TTLL5: variants seen among roughly 807,000 people sequenced by gnomAD.
TTLL5 encodes tubulin polyglutamylase TTLL5.
In TTLL5, 132 loss-of-function variants were observed where a neutral mutation model predicts 168.4. That is an observed-to-expected ratio of 0.78 (90% CI 0.68 to 0.91). The LOEUF (loss-of-function observed/expected upper bound fraction) is 0.91, where lower values mean the gene tolerates loss of function less well. Among genes scored for constraint, TTLL5 ranks in the 40% least tolerant of loss-of-function variants. The pLI is 0.00. For missense variants in TTLL5, 1,545 were observed against 1,581.5 expected, an observed-to-expected ratio of 0.98 and a Z score of 0.39; for synonymous variants, 546 against 558.6, an observed-to-expected ratio of 0.98 and a Z score of 0.32.
chr14:75,895,041 G>A (rs965952240), intron 30 of TTLL5, among the ~76,000 whole-genome samples: 22 of 152,158 alleles, frequency 1.4e-4, no homozygotes, highest in African/African-American at 4.1e-4. Context: ...TTGAAATGCA[G>A]AATTAACATT....
At chr14:75,706,660 A>G (rs1886678478) in intron 7 of TTLL5, among the ~76,000 whole-genome samples, 1 of 152,124 alleles carries the variant, frequency 6.6e-6, no homozygotes, top group Non-Finnish European at 1.5e-5. Context: ...GGGAGAAAGC[A>G]AGTTTTCATT....
chr14:75,914,582 C>A (rs1019512151), intron 31 of TTLL5, among the ~76,000 whole-genome samples: 1 of 150,370 alleles, frequency 6.7e-6, no homozygotes, highest in South Asian at 2.1e-4. Flanking sequence ...TGTAAAACTA[C>A]TTCCTGTAAA....
intron 28 of TTLL5, among the ~76,000 whole-genome samples, chr14:75,827,707 CTTTTTTTTTTTTTT>C (rs561078439): frequency 1.6e-3 from 87 of 53,218 alleles, no homozygotes; most frequent in Non-Finnish European, 2.4e-3. Context: ...TGGCTTGGTT[CTTTTTTTTTTTTTT>C]TTTTTTTTTT....
chr14:75,732,639 C>T (rs770428497), intron 13 of TTLL5, among the ~76,000 whole-genome samples: 1 of 152,146 alleles, frequency 6.6e-6, no homozygotes, highest in African/African-American at 2.4e-5. Context: ...ACAATTATAT[C>T]ATTCCTGTTT....
intron 17 of TTLL5, among the ~76,000 whole-genome samples, chr14:75,751,370 A>G (rs535571869): frequency 6.6e-6 from 1 of 152,270 alleles, no homozygotes; most frequent in Non-Finnish European, 1.5e-5. Context: ...TCTCTTTGGC[A>G]TATGCAGATT....
At chr14:75,757,469 A>T (rs553425819) in intron 18 of TTLL5, among the ~76,000 whole-genome samples, 2 of 152,268 alleles carry the variant, frequency 1.3e-5, no homozygotes, top group African/African-American at 4.8e-5. Context: ...CAGGTCAAAA[A>T]ATTATTTTAT....
intron 10 of TTLL5, among the ~76,000 whole-genome samples, chr14:75,718,772 T>C (rs1253942922): frequency 1.3e-5 from 2 of 152,176 alleles, no homozygotes; most frequent in Non-Finnish European, 2.9e-5. Flanking sequence ...TTCTTTTTGC[T>C]CTGTTTTCTT....
chr14:75,737,859 A>C (rs978384809), intron 15 of TTLL5, among the ~76,000 whole-genome samples: 1 of 152,186 alleles, frequency 6.6e-6, no homozygotes, highest in African/African-American at 2.4e-5. Context: ...GTTGAATTTA[A>C]ATGAGGAACA....
Position 75,856,767 on chromosome 14 carries a change from C to T in TTLL5, c.3327-6900C>T, listed in dbSNP as rs1290726546. 2.0e-5 allele frequency among the ~76,000 whole-genome samples: 3 copies of T among 151,856 alleles called. No homozygotes were observed. In the East Asian group the frequency reaches 5.8e-4, roughly 29 times the overall value. On this transcript the variant is annotated intron_variant, in intron 28 of 31. Coordinates refer to ENST00000298832, the MANE Select transcript of TTLL5 (RefSeq NM_015072.5). ...TCAGAATCCCCAGTAGCTGGGACTA[C>T]AGGCACCCGCCACCACTCCTGGCTA...
intron 10 of TTLL5, 47 bp downstream of exon 10, chr14:75,718,009 G>A (rs1227218758): frequency 1.3e-6 from 2 of 1,560,652 alleles, no homozygotes; most frequent in Middle Eastern, 1.7e-4. Flanking sequence ...AGTCTCAGAT[G>A]TGGGTGTTGT....
rs2032328163 is a variant in TTLL5 at position 75,890,123 on chromosome 14, C to T, written c.3740+7221C>T. Among the ~76,000 whole-genome samples, 4 of 152,056 alleles carry T rather than the reference C, an allele frequency of 2.6e-5. No individual in the cohort carries two copies. In the South Asian group the frequency reaches 8.3e-4, roughly 32 times the overall value. ...TTTTGGAAAGACCCATGAGGACTTC[C>T]CTGAGCTCAGCAAAAAAGAGTGCTT... On this transcript the variant is annotated intron_variant, in intron 30 of 31. Transcript: ENST00000298832.
At chr14:75,690,080 C>T (rs909394376) in intron 5 of TTLL5, 112 bp from the exon 6 acceptor site, 29 of 1,146,354 alleles carry the variant, frequency 2.5e-5, no homozygotes, top group Non-Finnish European at 3.4e-5. Context: ...GGATACAATA[C>T]TATCTTCACT....
intron 7 of TTLL5, among the ~76,000 whole-genome samples, chr14:75,705,768 A>AT (rs1886612194): frequency 6.6e-6 from 1 of 151,838 alleles, no homozygotes; most frequent in Non-Finnish European, 1.5e-5. Context: ...TATCAACCTA[A>AT]TTATTATCAC....
intron 5 of TTLL5, among the ~76,000 whole-genome samples, chr14:75,687,139 TA>T (rs1885120019): frequency 6.6e-6 from 1 of 152,184 alleles, no homozygotes; most frequent in African/African-American, 2.4e-5. Flanking sequence ...GTCATAGACC[TA>T]AAAATAAAAC....
At position 75,882,004 on chromosome 14, in the gene TTLL5, G is replaced by A. The variant is rs560424490; in HGVS notation, c.3523-681G>A. ...CTCTGAGCAAAAATATCCATTTGTC[G>A]ATTGTATTCATGTAACTAGCATTTG... On this transcript the variant is annotated intron_variant, in intron 29 of 31. Coordinates refer to ENST00000298832, the MANE Select transcript of TTLL5 (RefSeq NM_015072.5). 1.4e-4 allele frequency among the ~76,000 whole-genome samples: 21 copies of A among 152,190 alleles called. No homozygotes were observed. The South Asian group carries it at 3.9e-3, about 29-fold the overall frequency.
At chr14:75,771,693 A>G (rs201356006) in intron 20 of TTLL5, 41 bp from the exon 21 acceptor site, 6 of 1,610,878 alleles carry the variant, frequency 3.7e-6, no homozygotes, top group Non-Finnish European at 5.1e-6. Context: ...GTAGTTTTAC[A>G]CTTCTGTCAC....
chr14:75,673,791 T>A (rs1255556062), intron 3 of TTLL5, among the ~76,000 whole-genome samples: 1 of 152,192 alleles, frequency 6.6e-6, no homozygotes, highest in Non-Finnish European at 1.5e-5. Flanking sequence ...GGGATTTGAA[T>A]CCTCCTTCCT....
chr14:75,685,668 T>C (rs1884989816), intron 5 of TTLL5, among the ~76,000 whole-genome samples: 1 of 152,212 alleles, frequency 6.6e-6, no homozygotes, highest in South Asian at 2.1e-4. Flanking sequence ...TTGCAAAATA[T>C]GCATTCTCAG....
chr14:75,776,965 AGCCG>A (rs1891753602), intron 23 of TTLL5, 115 bp downstream of exon 23: 3 of 820,668 alleles, frequency 3.7e-6, no homozygotes, highest in Non-Finnish European at 5.7e-6. Flanking sequence ...TCACTCTTAA[AGCCG>A]GGCACAGTGG....
Sources: allele counts gnomAD v4.1 joint callset (sites outside exome capture counted in the v4.1 genomes callset), GRCh38; gene constraint gnomAD v4.1.1; transcripts MANE v1.5; gene names NCBI Gene and HGNC (gene_info 2026-07-23, HGNC 2026-07-21).